The following ITGB4 variants were observed in gnomAD, a reference collection of about 807,000 sequenced individuals.
The protein encoded by ITGB4 is integrin beta-4.
Under a neutral mutation model 207.6 loss-of-function variants are expected in ITGB4, and 159 were observed. The observed-to-expected ratio is 0.77, with a 90% CI of 0.67 to 0.87. ITGB4 has a LOEUF of 0.87. ITGB4 is among the 40% of genes least tolerant of loss of function. The pLI is 0.00. For missense variants in ITGB4, 2,278 were observed against 2,546.8 expected, an observed-to-expected ratio of 0.89 and a Z score of 2.27; for synonymous variants, 1,020 against 1,062.7, an observed-to-expected ratio of 0.96 and a Z score of 0.78.
chr17:75,757,299 C>G lies in ITGB4; in HGVS notation c.5318C>G (p.Pro1773Arg). ...ITTTHTSATE[P>R]FLVDGLTLGA... ...ACCACCCACACCAGCGCCACCGAGC[C>G]CTTCCTAGTGGGTGAGCACTGAGGG... The change falls in exon 39 of 40, where the codon CCC becomes CGC. Residue 1773 changes from proline (P) to arginine (R), a missense_variant. By Grantham distance (103) the Pro-to-Arg change is moderately radical. Transcript: ENST00000200181. 2 of 1,612,340 alleles carry G rather than the reference C, an allele frequency of 1.2e-6. No individual in the cohort carries two copies. The highest frequency in any genetic ancestry group is 3.3e-5 in the Admixed American group (2 of 60,022).
At chr17:75,726,027 C>T (rs1217651645) in intron 2 of ITGB4, among the ~76,000 whole-genome samples, 5 of 152,330 alleles carry the variant, frequency 3.3e-5, no homozygotes, top group East Asian at 1.9e-4. Context: ...GTGCCAGCAC[C>T]GAGTGTGCCA....
At position 75,740,426 on chromosome 17, in the gene ITGB4, G is replaced by T; in HGVS notation, c.2515G>T (p.Glu839Ter). Residue 839 changes from glutamate (E) to a stop codon, truncating the protein, a stop_gained, in exon 21 of 40, where the codon GAG (glutamate) becomes TAG (stop). Transcript: ENST00000200181. LOFTEE classifies it high-confidence loss of function. The surrounding 1 kb of genome is among the most constrained non-coding windows in gnomAD (Gnocchi z 5.9). ...TENLLKPDTR[E>*]CAQLRQEVEE... ...GAACCTGCTGAAGCCTGACACTCGG[G>T]AGTGCGCCCAGCTGCGCCAGGAGGT... 1 of 1,613,946 alleles carries T rather than the reference G, an allele frequency of 6.2e-7. No homozygotes were observed. Among genetic ancestry groups the T allele is most frequent in the Non-Finnish European group, 8.5e-7 (1 of 1,180,018 alleles).
In ITGB4 at chr17:75,757,504, CACCAGCGGA is replaced by C. The variant is rs1309487950; in HGVS notation, c.5422_5430del (p.Ser1808_Thr1810del). ...AGGAGTTTGTGAGCCGGACACTGAC[CACCAGCGGA>C]ACCCTTAGCACCCACATGGACCAAC... On this transcript the variant is annotated inframe_deletion, in exon 40 of 40. Coordinates refer to ENST00000200181, the MANE Select transcript of ITGB4 (RefSeq NM_000213.5). The C allele has an allele frequency of 1.2e-6, 2 of 1,613,192 alleles. No homozygotes were observed. The highest frequency in any genetic ancestry group is 1.7e-6 in the Non-Finnish European group (2 of 1,180,022).
At chr17:75,753,737 G>A in intron 32 of ITGB4, 28 bp from the exon 33 acceptor site, 1 of 1,377,186 alleles carries the variant, frequency 7.3e-7, no homozygotes, top group Admixed American at 2.8e-5. Context: ...CCCCGGCGGT[G>A]CCAACGCGGC....
Position 75,731,481 on chromosome 17 carries a change from T to G in ITGB4, c.1215+113T>G, listed in dbSNP as rs2060857189. 2 of 1,133,308 alleles carry G rather than the reference T, an allele frequency of 1.8e-6. No homozygotes were observed. Among genetic ancestry groups the G allele is most frequent in the African/African-American group, 3.1e-5 (2 of 65,370 alleles). 70.2% of individuals were successfully genotyped at this position (1,133,308 alleles called of 1,614,324 possible). ...GCCCCTGGAGTCAGGCAGGCCTGGG[T>G]GCAGATCCCTGGGCCTAGCCGCTCG... On this transcript the variant is annotated intron_variant, in intron 10 of 39. Coordinates refer to ENST00000200181, the MANE Select transcript of ITGB4 (RefSeq NM_000213.5). The surrounding 1 kb of genome is among the most constrained non-coding windows in gnomAD (Gnocchi z 6.8).
In ITGB4 at chr17:75,727,232, G is replaced by A. The variant is rs760303034; in HGVS notation, c.117G>A (p.Thr39=). Residue 39 remains threonine, a synonymous_variant, in exon 3 of 40, where the codon ACG becomes ACA. Coordinates refer to ENST00000200181, the MANE Select transcript of ITGB4 (RefSeq NM_000213.5). The surrounding 1 kb of genome is among the most constrained non-coding windows in gnomAD (Gnocchi z 6.0). ...AGAAGGCCCCAGTGAAGAGCTGCAC[G>A]GAGTGTGTCCGTGTGGATAAGGACT... ...RCKKAPVKSC[T]ECVRVDKDCA... 16 of 1,613,946 alleles carry A rather than the reference G, an allele frequency of 9.9e-6. No homozygotes were observed. The highest frequency in any genetic ancestry group is 6.7e-5 in the African/African-American group (5 of 74,930).
chr17:75,739,815 C>T lies in ITGB4; in HGVS notation c.2255-65C>T, dbSNP rs1228369899. ...GCAGAGGCTGGAGGCTCTGGGGTCC[C>T]ACCTGAAGAGGTTGGGCTGTGCGGG... On this transcript the variant is annotated intron_variant, in intron 19 of 39. Coordinates refer to ENST00000200181, the MANE Select transcript of ITGB4 (RefSeq NM_000213.5). The surrounding 1 kb of genome is among the most constrained non-coding windows in gnomAD (Gnocchi z 5.4). 4 of 1,608,956 alleles carry T rather than the reference C, an allele frequency of 2.5e-6. No homozygotes were observed. The highest frequency in any genetic ancestry group is 3.4e-6 in the Non-Finnish European group (4 of 1,175,864).
chr17:75,737,588 C>T lies in ITGB4; in HGVS notation c.2164C>T (p.Leu722=), dbSNP rs750914804. ...WWLIPLLLLL[L]PLLALLLLLC... is the part of the protein sequence containing the mutation. ...GCTCATCCCCCTGCTCCTCCTCCTC[C>T]TGCCGCTCCTGGCCCTGCTACTGCT... Residue 722 remains leucine (L), a synonymous_variant, in exon 18 of 40, where the codon CTG becomes TTG. Coordinates refer to ENST00000200181, the MANE Select transcript of ITGB4 (RefSeq NM_000213.5). The T allele has an allele frequency of 6.2e-7, 1 of 1,610,376 alleles. No individual in the cohort carries two copies. Among genetic ancestry groups the T allele is most frequent in the African/African-American group, 1.3e-5 (1 of 74,802 alleles).
intron 7 of ITGB4, 59 bp from the exon 8 acceptor site, chr17:75,730,182 C>G (rs114786416): frequency 6.2e-7 from 1 of 1,607,184 alleles, no homozygotes; most frequent in Middle Eastern, 2.1e-4. Flanking sequence ...TACACGACGC[C>G]GTGATGCGTG....
At chr17:75,749,971 C>CAGGT in intron 27 of ITGB4, 140 bp from the exon 28 acceptor site, 1 of 1,055,368 alleles carries the variant, frequency 9.5e-7, no homozygotes, top group Non-Finnish European at 1.5e-6. Flanking sequence ...GGGGCACCAC[C>CAGGT]AGGTCTCCAG....
At position 75,742,614 on chromosome 17, in the gene ITGB4, G is replaced by T; in HGVS notation, c.2815G>T (p.Val939Leu). Residue 939 changes from valine (V) to leucine (L), a missense_variant, in exon 25 of 40, where the codon GTG (valine) becomes TTG (leucine). Transcript: ENST00000200181. The surrounding 1 kb of genome is among the most constrained non-coding windows in gnomAD (Gnocchi z 5.9). The stretch of plus-strand genomic sequence containing the variant: ...GGGCATGGTGGAGTTCCAGGAGGGC[G>T]TGGAGCTGGTGGACGTACGGGTGCC... ...ARGMVEFQEG[V>L]ELVDVRVPLF... The T allele has an allele frequency of 1.9e-6, 3 of 1,614,010 alleles. No homozygotes were observed. Among genetic ancestry groups the T allele is most frequent in the Non-Finnish European group, 2.5e-6 (3 of 1,180,024 alleles).
At chr17:75,756,334 T>C in intron 35 of ITGB4, 95 bp from the exon 36 acceptor site, 1 of 1,392,770 alleles carries the variant, frequency 7.2e-7, no homozygotes, top group Non-Finnish European at 1.0e-6. Context: ...GGGTGGGTGA[T>C]AACTAGGTCT....
rs1233501650 is a variant in ITGB4, at chr17:75,730,234, TC to T, written c.739-3del. On this transcript the variant is annotated splice_polypyrimidine_tract_variant and splice_region_variant and intron_variant, in intron 7 of 39. Transcript: ENST00000200181. ...TCAGTGGGCACGCCCCGCCTTGCCTTCCCCAGAGGGACATTGGCTGGCGCCC... is the reference window on the plus strand; with the variant it reads ...TCAGTGGGCACGCCCCGCCTTGCCTTCCCAGAGGGACATTGGCTGGCGCCC... 1.1e-5 allele frequency: 17 copies of T among 1,612,702 alleles called. No individual in the cohort carries two copies. The highest frequency in any genetic ancestry group is 1.4e-5 in the Non-Finnish European group (17 of 1,179,860).
In ITGB4 at chr17:75,727,543, C is replaced by T. The variant is rs1220779411; in HGVS notation, c.264+38C>T. ...GGGACTGGGGTGGGGGCTCCCCATG[C>T]TCAGCCTGGCTATTTATGGGGGTGT... is the stretch of plus-strand genomic sequence containing the variant. On this transcript the variant is annotated intron_variant, in intron 4 of 39. Coordinates refer to ENST00000200181, the MANE Select transcript of ITGB4 (RefSeq NM_000213.5). The surrounding 1 kb of genome is among the most constrained non-coding windows in gnomAD (Gnocchi z 6.0). 6.2e-7 allele frequency: 1 copy of T among 1,605,268 alleles called. No individual in the cohort carries two copies. The highest frequency in any genetic ancestry group is 8.5e-7 in the Non-Finnish European group (1 of 1,175,224).
chr17:75,756,701 C>T lies in ITGB4; in HGVS notation c.4898-3C>T. 6.2e-7 allele frequency: 1 copy of T among 1,613,480 alleles called. No homozygotes were observed. Among genetic ancestry groups the T allele is most frequent in the Non-Finnish European group, 8.5e-7 (1 of 1,180,014 alleles). On this transcript the variant is annotated splice_polypyrimidine_tract_variant and splice_region_variant and intron_variant, in intron 36 of 39. Transcript: ENST00000200181. ...GCTGATGCTCTTCCTCTACTGCCCC[C>T]AGGCTCCGCCTTCACTTTGAGCACT...
chr17:75,740,501 A>T lies in ITGB4; in HGVS notation c.2550+40A>T. The T allele has an allele frequency of 3.5e-5, 49 of 1,395,962 alleles. No homozygotes were observed. Among genetic ancestry groups the T allele is most frequent in the Non-Finnish European group, 4.7e-5 (46 of 984,060 alleles). 86.5% of individuals were successfully genotyped at this position (1,395,962 alleles called of 1,614,324 possible). ...ACTAGGCCTGGCCGGAGATGTGGGT[A>T]TGAGGGCGGGTGAGGTGGGCAGGGC... On this transcript the variant is annotated intron_variant, in intron 21 of 39. Coordinates refer to ENST00000200181, the MANE Select transcript of ITGB4 (RefSeq NM_000213.5). The surrounding 1 kb of genome is among the most constrained non-coding windows in gnomAD (Gnocchi z 5.9).
Position 75,731,747 on chromosome 17 carries a change from A to AG in ITGB4, c.1216-63dup. 6.7e-7 allele frequency: 1 copy of AG among 1,488,564 alleles called. No homozygotes were observed. The highest frequency in any genetic ancestry group is 9.0e-7 in the Non-Finnish European group (1 of 1,108,378). The allele number at this position is 1,488,564 out of a possible 1,614,324, so 92.2% of individuals were successfully genotyped here. ...AGGAACTTGGGGGCCGAGGGCCTTC[A>AG]GGCATCGATGGCCCCCTGGTCCTTG... is the stretch of plus-strand genomic sequence containing the variant. On this transcript the variant is annotated intron_variant, in intron 10 of 39. Coordinates refer to ENST00000200181, the MANE Select transcript of ITGB4 (RefSeq NM_000213.5). The surrounding 1 kb of genome is among the most constrained non-coding windows in gnomAD (Gnocchi z 6.8).
In ITGB4 at chr17:75,721,508, T is replaced by G. The variant is rs1318276206; in HGVS notation, c.-115T>G. ...GGACAGTCCCTGCTCGCCCGCGCGCTGCAGCCCCATCTCCTAGCGGCAGCC... is the reference window on the plus strand; with the variant it reads ...GGACAGTCCCTGCTCGCCCGCGCGCGGCAGCCCCATCTCCTAGCGGCAGCC... On this transcript the variant is annotated 5_prime_UTR_variant, in exon 1 of 40. Coordinates refer to ENST00000200181, the MANE Select transcript of ITGB4 (RefSeq NM_000213.5). 1.6e-5 allele frequency: 2 copies of G among 124,914 alleles called. No individual in the cohort carries two copies. Among genetic ancestry groups the G allele is most frequent in the Non-Finnish European group, 3.2e-5 (2 of 61,944 alleles). 7.7% of individuals were successfully genotyped at this position (124,914 alleles called of 1,614,324 possible).
chr17:75,745,897 T>A lies in ITGB4; in HGVS notation c.3111+2036T>A, dbSNP rs1467479563. On this transcript the variant is annotated intron_variant, in intron 26 of 39. Transcript: ENST00000200181. ...CTGTCTCGAAAAAAGAAAAAAAAAATTATCTCAAAAGTAATAAAGTCTCGC... is the reference window on the plus strand; with the variant it reads ...CTGTCTCGAAAAAAGAAAAAAAAAAATATCTCAAAAGTAATAAAGTCTCGC... Among the ~76,000 whole-genome samples the A allele has an allele frequency of 3.3e-5, 5 of 151,108 alleles. 1 individual carries two copies. Among genetic ancestry groups the A allele is most frequent in the African/African-American group, 7.3e-5 (3 of 41,104 alleles).
Sources: gnomAD v4.1 joint callset for allele counts (sites outside exome capture counted in the v4.1 genomes callset) on GRCh38, gnomAD v4.1.1 for gene constraint, Gnocchi (gnomAD v3.1) non-coding constraint, MANE v1.5 for transcripts, NCBI Gene and HGNC (gene_info 2026-07-23, HGNC 2026-07-21) for gene names.